The following PARP14 variants were observed in gnomAD, a reference collection of about 807,000 sequenced individuals.
PARP14 encodes poly(ADP-ribose) polymerase family member 14.
In PARP14, 59 loss-of-function variants were observed where a neutral mutation model predicts 154.2. The observed-to-expected ratio is 0.38, with a 90% CI of 0.31 to 0.48. PARP14 has a LOEUF of 0.48. PARP14 is among the 20% of genes least tolerant of loss of function. The pLI is 0.98. For synonymous variants in PARP14, 720 were observed against 780.5 expected (o/e 0.92, Z 1.29); for missense variants, 1,734 against 2,131.6 (o/e 0.81, Z 3.67).
In PARP14 at chr3:122,695,636, C is replaced by G; in HGVS notation, c.809C>G (p.Ala270Gly). The change falls in exon 5 of 17, where the codon GCT (alanine) becomes GGT (glycine). Residue 270 changes from alanine (A) to glycine (G), a missense_variant. Ala to Gly is a moderately conservative substitution (Grantham distance 60). Transcript: ENST00000474629. ...GAATATTTTCCTGAAGAGAGTTCAG[C>G]TCTGATTGAATTTTTTGACAGAAAA... Reference protein sequence around the residue: ...NVEYFPEESSALIEFFDRKVL... With the variant: ...NVEYFPEESSGLIEFFDRKVL... 6.3e-7 allele frequency: 1 copy of G among 1,587,604 alleles called. No homozygotes were observed. The highest frequency in any genetic ancestry group is 1.7e-4 in the Middle Eastern group (1 of 6,014).
chr3:122,687,709 T>G (rs1938415888), intron 3 of PARP14, among the ~76,000 whole-genome samples: 1 of 152,208 alleles, frequency 6.6e-6, no homozygotes, highest in Non-Finnish European at 1.5e-5. Flanking sequence ...GTCTGGGCAT[T>G]GAGCTGCCAT....
chr3:122,718,618 C>T lies in PARP14; in HGVS notation c.4467C>T (p.Asp1489=), dbSNP rs182462142. 1,191 of 1,613,770 alleles carry T rather than the reference C, an allele frequency of 7.4e-4. 5 individuals are homozygous for T. Among genetic ancestry groups the T allele is most frequent in the African/African-American group, 6.7e-3 (504 of 74,996 alleles). Residue 1489 remains aspartate (D), a synonymous_variant, in exon 14 of 17, where the codon GAC becomes GAT. Coordinates refer to ENST00000474629, the MANE Select transcript of PARP14 (RefSeq NM_017554.3). ...AGTTAAATATTAACATTTCCCTGGA[C>T]CATAAGAGACCTTTGATTAAGGTTT... The part of the protein sequence containing the change: ...QKKLNINISL[D]HKRPLIKVLG...
At chr3:122,704,455 A>T in intron 7 of PARP14, 72 bp from the exon 8 acceptor site, 1 of 949,932 alleles carries the variant, frequency 1.1e-6, no homozygotes, top group Non-Finnish European at 1.6e-6. Context: ...CAAAGTTGCT[A>T]AATTCTTGTC....
chr3:122,681,179 T>G lies in PARP14; in HGVS notation c.187+109T>G. The stretch of plus-strand genomic sequence containing the variant: ...TGACCCGCCCGACTTCGGCGGCTGC[T>G]GTAGCGGAGGTGGCCGGGGCGGGGG... On this transcript the variant is annotated intron_variant, in intron 1 of 16. Coordinates refer to ENST00000474629, the MANE Select transcript of PARP14 (RefSeq NM_017554.3). This position sits in a 1 kb window ranked among gnomAD's most constrained non-coding sequence, Gnocchi z 5.5. The G allele has an allele frequency of 1.2e-5, 3 of 257,616 alleles. No homozygotes were observed. The highest frequency in any genetic ancestry group is 4.0e-5 in the South Asian group (1 of 25,314). The allele number at this position is 257,616 out of a possible 1,614,324, so 16.0% of individuals were successfully genotyped here.
At chr3:122,717,992 T>C (rs1453706942) in intron 12 of PARP14, 79 bp from the exon 13 acceptor site, 2 of 1,068,112 alleles carry the variant, frequency 1.9e-6, no homozygotes, top group Middle Eastern at 2.7e-4. Flanking sequence ...TCTCTGAGCA[T>C]TGGAAACCCT....
At chr3:122,694,030 G>A (rs1938679174) in intron 4 of PARP14, among the ~76,000 whole-genome samples, 1 of 152,098 alleles carries the variant, frequency 6.6e-6, no homozygotes, top group Non-Finnish European at 1.5e-5. Flanking sequence ...TATGTGCCAG[G>A]CACTGGTCTA....
At chr3:122,723,092 C>G (rs1017649260) in intron 15 of PARP14, among the ~76,000 whole-genome samples, 1 of 152,106 alleles carries the variant, frequency 6.6e-6, no homozygotes, top group African/African-American at 2.4e-5. Flanking sequence ...CCCACCACCA[C>G]ACCCGGCTAA....
intron 15 of PARP14, chr3:122,722,704 T>C (rs576589727): frequency 6.6e-6 from 1 of 152,296 alleles, no homozygotes; most frequent in Admixed American, 6.5e-5. Context: ...TGTCTTATGA[T>C]TAAGGTTTTT....
rs2107657763 is a variant in PARP14, at chr3:122,728,441, T to C, written c.5250T>C (p.His1750=). ...GAGTACTTACTGGAATCTATACACA[T>C]GGAAATCATTCATTAATTGTGCCTC... ...YVRVLTGIYT[H]GNHSLIVPPS... is the part of the protein sequence containing the mutation. The change falls in exon 17 of 17, where the codon CAT becomes CAC. Residue 1750 remains histidine, a synonymous_variant. Transcript: ENST00000474629. 1.2e-6 allele frequency: 2 copies of C among 1,614,002 alleles called. No individual in the cohort carries two copies. Among genetic ancestry groups the C allele is most frequent in the Non-Finnish European group, 1.7e-6 (2 of 1,179,864 alleles).
intron 9 of PARP14, among the ~76,000 whole-genome samples, 198 bp from the exon 10 acceptor site, chr3:122,713,226 G>A (rs1446500464): frequency 6.6e-6 from 1 of 152,186 alleles, no homozygotes; most frequent in African/African-American, 2.4e-5. Context: ...GTTCATGTTT[G>A]ATATGGATTC....
chr3:122,702,013 G>A (rs1032968797), intron 6 of PARP14, among the ~76,000 whole-genome samples: 16 of 152,152 alleles, frequency 1.1e-4, no homozygotes, highest in African/African-American at 3.9e-4. Context: ...TCAGAGCATA[G>A]GGTATGCAGA....
At chr3:122,725,227 G>A (rs1319739185) in intron 15 of PARP14, among the ~76,000 whole-genome samples, 1 of 152,148 alleles carries the variant, frequency 6.6e-6, no homozygotes, top group Non-Finnish European at 1.5e-5. Flanking sequence ...CCCATACGGG[G>A]CGGTTGGGCA....
rs549689186 is a variant in PARP14 at position 122,724,009 on chromosome 3, T to C, written c.4941+3621T>C. ...TGATTATTCTGTTAGATGTACACAT[T>C]ATCCTCCATTTGGCTGGCAGGAAGT... On this transcript the variant is annotated intron_variant, in intron 15 of 16. Coordinates refer to ENST00000474629, the MANE Select transcript of PARP14 (RefSeq NM_017554.3). Among the ~76,000 whole-genome samples the C allele has an allele frequency of 2.2e-4, 33 of 152,384 alleles. No homozygotes were observed. In the South Asian group the frequency reaches 6.2e-3, roughly 29 times the overall value.
rs766087792 is a variant in PARP14 at position 122,728,292 on chromosome 3, G to A, written c.5117-16G>A. 1 of 1,602,140 alleles carries A rather than the reference G, an allele frequency of 6.2e-7. No individual in the cohort carries two copies. The highest frequency in any genetic ancestry group is 8.5e-7 in the Non-Finnish European group (1 of 1,170,518). ...CATTAACTTGAAATGCTTAAAAATG[G>A]TTTTTCTTTTCACAGCTGTGGCATA... is the stretch of plus-strand genomic sequence containing the variant. On this transcript the variant is annotated splice_polypyrimidine_tract_variant and intron_variant, in intron 16 of 16. Transcript: ENST00000474629.
intron 7 of PARP14, 113 bp from the exon 8 acceptor site, chr3:122,704,412 AGT>A (rs1939083020): frequency 1.6e-5 from 10 of 639,592 alleles, no homozygotes; most frequent in Admixed American, 1.2e-4. Context: ...GCCCTTAATC[AGT>A]GTTGACAGCA....
chr3:122,693,558 G>A (rs1000069467), intron 4 of PARP14, among the ~76,000 whole-genome samples: 1 of 152,180 alleles, frequency 6.6e-6, no homozygotes, highest in Non-Finnish European at 1.5e-5. Flanking sequence ...TTAACATAGG[G>A]CCAGGTGTAG....
intron 5 of PARP14, among the ~76,000 whole-genome samples, chr3:122,698,366 C>T (rs748065460): frequency 2.6e-5 from 4 of 152,136 alleles, no homozygotes; most frequent in African/African-American, 4.8e-5. Flanking sequence ...TTACACAAAA[C>T]GAGGAGGGGC....
At chr3:122,707,165 T>A (rs1394745886) in intron 8 of PARP14, among the ~76,000 whole-genome samples, 1 of 152,168 alleles carries the variant, frequency 6.6e-6, no homozygotes, top group Admixed American at 6.5e-5. Context: ...ATGCCTGTAA[T>A]CCCAGCACCT....
At chr3:122,716,116 T>C (rs1932989031) in intron 12 of PARP14, among the ~76,000 whole-genome samples, 1 of 152,158 alleles carries the variant, frequency 6.6e-6, no homozygotes, top group Non-Finnish European at 1.5e-5. Flanking sequence ...ATGAGTTGAA[T>C]TAAGACTGTG....
Sources: allele counts gnomAD v4.1 joint callset (sites outside exome capture counted in the v4.1 genomes callset), GRCh38; gene constraint gnomAD v4.1.1; non-coding constraint Gnocchi (gnomAD v3.1); transcripts MANE v1.5; gene names NCBI Gene and HGNC (gene_info 2026-07-23, HGNC 2026-07-21).